EXD3: variants seen among roughly 807,000 people sequenced by gnomAD.
The protein encoded by EXD3 is exonuclease mut-7 homolog.
A neutral mutation model predicts 98.0 loss-of-function variants in EXD3; 92 were observed. The ratio of observed to expected loss-of-function variants is 0.94; its 90% confidence interval spans 0.79 to 1.12. EXD3 has a LOEUF of 1.12. Ranked by LOEUF, EXD3 falls within the 50% of genes most tolerant of loss-of-function variation. The probability of loss-of-function intolerance (pLI) is 0.00; values close to 1 mark genes in which losing one functional copy is unlikely to be tolerated. For synonymous variants in EXD3, 569 were observed against 526.0 expected (o/e 1.08, Z -1.12); for missense variants, 1,222 against 1,191.6 (o/e 1.03, Z -0.38).
At chr9:137,364,817 G>T (rs1198415890) in intron 7 of EXD3, among the ~76,000 whole-genome samples, 4 of 143,090 alleles carry the variant, frequency 2.8e-5, no homozygotes, top group Non-Finnish European at 4.5e-5. Flanking sequence ...CGCCCAGGCT[G>T]CAGTGCAGTG....
At position 137,403,898 on chromosome 9, in the gene EXD3, A is replaced by G. The variant is rs571186552; in HGVS notation, c.-47-8494T>C. On this transcript the variant is annotated intron_variant, in intron 1 of 21. Coordinates refer to ENST00000340951, the MANE Select transcript of EXD3 (RefSeq NM_017820.5). This position sits in a 1 kb window ranked among gnomAD's most constrained non-coding sequence, Gnocchi z 6.1. ...ATGGGTCCCGAGGCGGGGCAGTCAC[A>G]CCCCCACGCCATCTCTGCATAGACC... Among the ~76,000 whole-genome samples, 336 of 152,180 alleles carry G rather than the reference A, an allele frequency of 2.2e-3. 1 individual carries two copies. The highest frequency in any genetic ancestry group is 4.0e-3 in the Non-Finnish European group (271 of 68,010).
chr9:137,346,238 C>CAAAAAAAAAAAAAAAAAAAAAAAAAAA (rs563761495), intron 17 of EXD3, among the ~76,000 whole-genome samples: 11 of 13,616 alleles, frequency 8.1e-4, no homozygotes, highest in African/African-American at 1.7e-3. Context: ...GACTCCGTCT[C>CAAAAAAAAAAAAAAAAAAAAAAAAAAA]AAAAAAAAAA....
At chr9:137,311,423 G>T (rs1303644503) in intron 19 of EXD3, among the ~76,000 whole-genome samples, 1 of 152,242 alleles carries the variant, frequency 6.6e-6, no homozygotes, top group Admixed American at 6.5e-5. Flanking sequence ...TAGGGACAGT[G>T]CCAGTGGGTG....
At chr9:137,364,349 C>T (rs76190607) in intron 7 of EXD3, among the ~76,000 whole-genome samples, 2,462 of 152,098 alleles carry the variant, frequency 0.016, 74 homozygotes, top group African/African-American at 0.053. Flanking sequence ...AGGCCAGGTG[C>T]GGTGGCTCAT....
chr9:137,314,615 C>CCG (rs1831541851), intron 19 of EXD3, among the ~76,000 whole-genome samples: 1 of 152,094 alleles, frequency 6.6e-6, no homozygotes, highest in Non-Finnish European at 1.5e-5. Context: ...CCTGTCCCCC[C>CCG]GCCCCCAGGG....
chr9:137,411,733 G>A (rs1838012979), intron 1 of EXD3, among the ~76,000 whole-genome samples: 1 of 139,272 alleles, frequency 7.2e-6, no homozygotes, highest in Non-Finnish European at 1.6e-5. Context: ...GTGGGGGAGG[G>A]GGAGGGGGTG....
At chr9:137,372,806 A>C in intron 5 of EXD3, 99 bp downstream of exon 5, 1 of 1,293,648 alleles carries the variant, frequency 7.7e-7, no homozygotes, top group Non-Finnish European at 1.1e-6. Flanking sequence ...CAGAAGCCCC[A>C]AACAGCCCCC....
At chr9:137,392,205 T>A (rs2131752163) in intron 2 of EXD3, 1 of 152,428 alleles carries the variant, frequency 6.6e-6, no homozygotes, top group Admixed American at 6.5e-5. Context: ...CGGATGGGAA[T>A]GTTTCTTGGC....
At chr9:137,335,283 C>T (rs1032791174) in intron 17 of EXD3, among the ~76,000 whole-genome samples, 3 of 151,990 alleles carry the variant, frequency 2.0e-5, no homozygotes, top group Non-Finnish European at 2.9e-5. Flanking sequence ...TATACAGATA[C>T]GCAGCAAACG....
At chr9:137,339,664 T>C (rs1312795303) in intron 17 of EXD3, among the ~76,000 whole-genome samples, 1 of 152,192 alleles carries the variant, frequency 6.6e-6, no homozygotes, top group Non-Finnish European at 1.5e-5. Flanking sequence ...AATAACCTTA[T>C]GAGTATCTGA....
chr9:137,365,979 CACACACATGCACACCTGCAG>C, intron 7 of EXD3: 1 of 546,414 alleles, frequency 1.8e-6, no homozygotes, highest in South Asian at 1.6e-5. Context: ...CACACAGAGA[CACACACATGCACACCTGCAG>C]GCACACATGC....
chr9:137,317,777 C>T (rs906575187), intron 19 of EXD3, among the ~76,000 whole-genome samples: 3 of 152,116 alleles, frequency 2.0e-5, no homozygotes, highest in Non-Finnish European at 4.4e-5. Flanking sequence ...GCCTGGGTGT[C>T]GTGCTAGGCC....
At chr9:137,392,148 A>T (rs117213211) in intron 2 of EXD3, 1,604 of 152,476 alleles carry the variant, frequency 0.011, 14 homozygotes, top group Admixed American at 0.022. Flanking sequence ...AGCCTGGCCA[A>T]GGCTGAAGTT....
chr9:137,417,199 G>A (rs1446277284), intron 1 of EXD3, among the ~76,000 whole-genome samples: 1 of 152,188 alleles, frequency 6.6e-6, no homozygotes, highest in Non-Finnish European at 1.5e-5. Context: ...GGAGACACAC[G>A]GGTCTGGACT....
rs563761495 is a variant in EXD3, at chr9:137,346,238, C to CAAAAAAAAAAAAAAAAA, written c.1998+1816_1998+1832dup. Among the ~76,000 whole-genome samples the CAAAAAAAAAAAAAAAAA allele has an allele frequency of 8.1e-4, 11 of 13,616 alleles. 2 individuals are homozygous for CAAAAAAAAAAAAAAAAA. The highest frequency in any genetic ancestry group is 2.3e-3 in the African/African-American group (8 of 3,510). 8.9% of individuals were successfully genotyped at this position (13,616 alleles called of 152,430 possible). On this transcript the variant is annotated intron_variant, in intron 17 of 21. Coordinates refer to ENST00000340951, the MANE Select transcript of EXD3 (RefSeq NM_017820.5). ...TGGGAGACAGAGCAAGACTCCGTCT[C>CAAAAAAAAAAAAAAAAA]AAAAAAAAAAAAAAAAAAAAAAAAA...
Position 137,347,450 on chromosome 9 carries a change from TC to T in EXD3, c.1998+620del, listed in dbSNP as rs1833993900. On this transcript the variant is annotated intron_variant, in intron 17 of 21. Coordinates refer to ENST00000340951, the MANE Select transcript of EXD3 (RefSeq NM_017820.5). This position sits in a 1 kb window ranked among gnomAD's most constrained non-coding sequence, Gnocchi z 4.2. ...TTCTGTGTTCCATTCCTGCTTTTTT[TC>T]TTTTTTTTTTAAGATGGAGTCTTGC... 6.6e-6 allele frequency among the ~76,000 whole-genome samples: 1 copy of T among 151,238 alleles called. No homozygotes were observed. Among genetic ancestry groups the T allele is most frequent in the African/African-American group, 2.5e-5 (1 of 40,716 alleles).
rs146347679 is a variant in EXD3 at position 137,407,783 on chromosome 9, G to T, written c.-47-12379C>A. Among the ~76,000 whole-genome samples the T allele has an allele frequency of 6.6e-6, 1 of 151,822 alleles. No homozygotes were observed. Among genetic ancestry groups the T allele is most frequent in the African/African-American group, 2.4e-5 (1 of 41,538 alleles). ...GTCACTGGAGCCCACGGGTCCACAGGCATTCGAGGTCTTGGATGCGCCGGC... is the reference window on the plus strand; with the variant it reads ...GTCACTGGAGCCCACGGGTCCACAGTCATTCGAGGTCTTGGATGCGCCGGC... On this transcript the variant is annotated intron_variant, in intron 1 of 21. Transcript: ENST00000340951. The surrounding 1 kb of genome is among the most constrained non-coding windows in gnomAD (Gnocchi z 4.4).
rs753241893 is a variant in EXD3 at position 137,356,293 on chromosome 9, C to T, written c.732G>A (p.Leu244=). The change falls in exon 8 of 22, where the codon CTG becomes CTA. Residue 244 remains leucine (L), a synonymous_variant. Transcript: ENST00000340951. ...PKALSRQVLR[L]QERYGVAPAL... ...CTGGGGCTACGCCGTACCGCTCCTG[C>T]AGACGCAAGACCTGCCTGCTCAGCG... 6.2e-6 allele frequency: 10 copies of T among 1,603,716 alleles called. No homozygotes were observed. Among genetic ancestry groups the T allele is most frequent in the African/African-American group, 1.3e-5 (1 of 74,742 alleles).
chr9:137,331,092 G>T (rs575458565), intron 17 of EXD3, among the ~76,000 whole-genome samples: 1 of 152,148 alleles, frequency 6.6e-6, no homozygotes, highest in East Asian at 1.9e-4. Flanking sequence ...GATTCAGGGG[G>T]GTTCAACATG....
Sources: allele counts gnomAD v4.1 joint callset (sites outside exome capture counted in the v4.1 genomes callset), GRCh38; gene constraint gnomAD v4.1.1; non-coding constraint Gnocchi (gnomAD v3.1); transcripts MANE v1.5; gene names NCBI Gene and HGNC (gene_info 2026-07-23, HGNC 2026-07-21).